Variants in RALYL observed in about 807,000 individuals in gnomAD.
RALYL encodes the protein RALY RNA binding protein like.
In RALYL, 29 loss-of-function variants were observed where a neutral mutation model predicts 35.1. That is an observed-to-expected ratio of 0.83 (90% CI 0.61 to 1.13). The LOEUF is 1.13. RALYL is among the 50% of genes most tolerant of loss of function. The pLI, the probability that RALYL is intolerant of heterozygous loss-of-function variation, is 0.00. For synonymous variants in RALYL, 120 were observed against 127.6 expected, an observed-to-expected ratio of 0.94 and a Z score of 0.40; for missense variants, 359 against 360.4, an observed-to-expected ratio of 1.00 and a Z score of 0.03.
At chr8:84,272,128 T>G (rs1295936285) in intron 1 of RALYL, among the ~76,000 whole-genome samples, 3 of 152,130 alleles carry the variant, frequency 2.0e-5, no homozygotes, top group Non-Finnish European at 2.9e-5. Context: ...GTTTCACTAT[T>G]GTTGCCCAGG....
At chr8:84,241,152 GCA>G (rs1221342510) in intron 1 of RALYL, among the ~76,000 whole-genome samples, 1 of 151,880 alleles carries the variant, frequency 6.6e-6, no homozygotes, top group Non-Finnish European at 1.5e-5. Context: ...GAGTGCCTGT[GCA>G]CACACACAAG....
chr8:84,491,631 C>T (rs75046789), intron 1 of RALYL, among the ~76,000 whole-genome samples: 5,988 of 151,830 alleles, frequency 0.039, 240 homozygotes, highest in African/African-American at 0.099. Context: ...CTTGCTTTAA[C>T]GAAAACAAAA....
At chr8:84,209,354 A>G (rs930946194) in intron 1 of RALYL, among the ~76,000 whole-genome samples, 4 of 152,102 alleles carry the variant, frequency 2.6e-5, no homozygotes, top group African/African-American at 9.7e-5. Context: ...TTTTAGTTTT[A>G]CTTTGATGTG....
chr8:84,475,229 A>C (rs1351624444), intron 1 of RALYL, among the ~76,000 whole-genome samples: 2 of 152,046 alleles, frequency 1.3e-5, no homozygotes, highest in Non-Finnish European at 2.9e-5. Context: ...GTCCCTGCAA[A>C]GGAACAGGGT....
chr8:84,639,083 A>G (rs189779703), intron 2 of RALYL, among the ~76,000 whole-genome samples: 2 of 150,698 alleles, frequency 1.3e-5, no homozygotes, highest in Middle Eastern at 3.4e-3. Flanking sequence ...AAAGGCATGC[A>G]AATGTGCACT....
chr8:84,282,744 ATGCGTG>A (rs1015483970), intron 1 of RALYL, among the ~76,000 whole-genome samples: 1 of 63,734 alleles, frequency 1.6e-5, no homozygotes, highest in Non-Finnish European at 3.2e-5. Flanking sequence ...ATATATGTGT[ATGCGTG>A]TGTGTGTGTG....
intron 1 of RALYL, among the ~76,000 whole-genome samples, chr8:84,387,792 T>C (rs1226603064): frequency 7.0e-6 from 1 of 143,218 alleles, no homozygotes. Context: ...GGTTCTTTTC[T>C]TTCTTTCTTT....
At chr8:84,653,509 A>G (rs994860782) in intron 2 of RALYL, among the ~76,000 whole-genome samples, 1 of 151,734 alleles carries the variant, frequency 6.6e-6, no homozygotes, top group Non-Finnish European at 1.5e-5. Context: ...GGCCTTTGCA[A>G]TTTCCAGTCC....
chr8:84,214,641 G>A (rs1158942424), intron 1 of RALYL, among the ~76,000 whole-genome samples: 1 of 152,056 alleles, frequency 6.6e-6, no homozygotes, highest in Non-Finnish European at 1.5e-5. Flanking sequence ...GCAAGAGTTA[G>A]TTGAGACATT....
In RALYL at chr8:84,681,381, G is replaced by T. The variant is rs926354664; in HGVS notation, c.257-93198G>T. Among the ~76,000 whole-genome samples, 4 of 152,122 alleles carry T rather than the reference G, an allele frequency of 2.6e-5. No homozygotes were observed. The South Asian group carries it at 8.3e-4, about 31-fold the overall frequency. ...CATTAAAGTAGTTTTTTCCAATTCT[G>T]TGAAGAAAGTTATTGGTAGCTTGAT... On this transcript the variant is annotated intron_variant, in intron 2 of 8. Transcript: ENST00000521268.
chr8:84,424,985 G>A (rs2046183810), intron 1 of RALYL, among the ~76,000 whole-genome samples: 1 of 151,994 alleles, frequency 6.6e-6, no homozygotes, highest in South Asian at 2.1e-4. Context: ...AGTCTGCAGA[G>A]GTTACTGCTG....
At chr8:84,653,352 A>G (rs1829247074) in intron 2 of RALYL, among the ~76,000 whole-genome samples, 3 of 152,178 alleles carry the variant, frequency 2.0e-5, no homozygotes, top group South Asian at 2.1e-4. Context: ...AAGCACCTAC[A>G]TGGCCCATAG....
At chr8:84,738,967 G>A (rs1175710543) in intron 2 of RALYL, among the ~76,000 whole-genome samples, 1 of 151,950 alleles carries the variant, frequency 6.6e-6, no homozygotes, top group African/African-American at 2.4e-5. Context: ...TTAAGATGTG[G>A]AAGGCCCATG....
intron 1 of RALYL, among the ~76,000 whole-genome samples, chr8:84,220,402 G>C (rs1457906549): frequency 6.6e-6 from 1 of 151,840 alleles, no homozygotes; most frequent in African/African-American, 2.4e-5. Flanking sequence ...GTATATTTTT[G>C]TCTCTGGTAA....
At chr8:84,470,178 T>G (rs1207098486) in intron 1 of RALYL, among the ~76,000 whole-genome samples, 1 of 152,114 alleles carries the variant, frequency 6.6e-6, no homozygotes, top group Non-Finnish European at 1.5e-5. Context: ...AAAACAAGCT[T>G]TTTTATAAGT....
intron 2 of RALYL, among the ~76,000 whole-genome samples, chr8:84,611,733 T>C (rs372411971): frequency 6.6e-6 from 1 of 152,128 alleles, no homozygotes. Context: ...ACACATTACA[T>C]GTCTGTTTTT....
intron 1 of RALYL, among the ~76,000 whole-genome samples, chr8:84,411,354 CT>C (rs1366237190): frequency 6.6e-6 from 1 of 151,832 alleles, no homozygotes; most frequent in African/African-American, 2.4e-5. Flanking sequence ...TTTTCATTTT[CT>C]AGTGACTCCA....
At chr8:84,906,359 A>G (rs965686293) in intron 8 of RALYL, among the ~76,000 whole-genome samples, 1 of 152,166 alleles carries the variant, frequency 6.6e-6, no homozygotes, top group Non-Finnish European at 1.5e-5. Context: ...AAATAAATGA[A>G]TAGACAAAAG....
At chr8:84,469,999 C>G (rs13248010) in intron 1 of RALYL, among the ~76,000 whole-genome samples, 53,202 of 152,026 alleles carry the variant, frequency 0.35, 9,618 homozygotes, top group South Asian at 0.52. Context: ...TGCTTCGGCT[C>G]GCGCACGGTG....
Sources: gnomAD v4.1 joint callset for allele counts (sites outside exome capture counted in the v4.1 genomes callset) on GRCh38, gnomAD v4.1.1 for gene constraint, MANE v1.5 for transcripts, NCBI Gene and HGNC (gene_info 2026-07-23, HGNC 2026-07-21) for gene names.